Variants in NLGN1 observed in about 807,000 individuals in gnomAD.
NLGN1 encodes the protein neuroligin-1.
Under a neutral mutation model 65.5 loss-of-function variants are expected in NLGN1, and 12 were observed. The observed-to-expected ratio is 0.18, with a 90% CI of 0.12 to 0.30. NLGN1 has a LOEUF of 0.30. Among genes scored for constraint, NLGN1 ranks in the 10% least tolerant of loss-of-function variants. NLGN1 has a pLI of 1.00. For missense variants in NLGN1, 750 were observed against 1,007.1 expected, an observed-to-expected ratio of 0.74 and a Z score of 3.46; for synonymous variants, 350 against 359.5, an observed-to-expected ratio of 0.97 and a Z score of 0.30.
intron 4 of NLGN1, among the ~76,000 whole-genome samples, chr3:174,167,593 C>CT (rs201802866): frequency 0.016 from 2,207 of 140,312 alleles, 57 homozygotes; most frequent in African/African-American, 0.054. Context: ...GATCTGCCCC[C>CT]TTTTTTTTTT....
chr3:174,199,811 C>T (rs1734110789), intron 4 of NLGN1, among the ~76,000 whole-genome samples: 1 of 152,174 alleles, frequency 6.6e-6, no homozygotes, highest in African/African-American at 2.4e-5. Flanking sequence ...AACATCTCAT[C>T]TCAACCTTAT....
chr3:173,989,422 A>G (rs1298911778), intron 4 of NLGN1, among the ~76,000 whole-genome samples: 1 of 152,198 alleles, frequency 6.6e-6, no homozygotes, highest in East Asian at 1.9e-4. Context: ...GAATGTGGAA[A>G]GTCAGGGTTT....
intron 4 of NLGN1, among the ~76,000 whole-genome samples, chr3:173,964,055 G>A (rs1714243340): frequency 6.6e-6 from 1 of 152,158 alleles, no homozygotes. Flanking sequence ...TAAAAGCCAG[G>A]ATGTGCCAGA....
chr3:173,950,927 C>T (rs887133805), intron 4 of NLGN1, among the ~76,000 whole-genome samples: 9 of 151,652 alleles, frequency 5.9e-5, no homozygotes, highest in Non-Finnish European at 7.4e-5. Flanking sequence ...AGTGCAGTGG[C>T]GTGATCTTGG....
intron 4 of NLGN1, among the ~76,000 whole-genome samples, chr3:173,970,974 T>G (rs1441828746): frequency 6.6e-6 from 1 of 151,974 alleles, no homozygotes; most frequent in Non-Finnish European, 1.5e-5. Flanking sequence ...AAACAGAAAG[T>G]GGAAATCCAA....
chr3:173,439,532 C>CAAAAAAAAAAA (rs200232920), intron 2 of NLGN1, among the ~76,000 whole-genome samples: 1 of 122,894 alleles, frequency 8.1e-6, no homozygotes. Flanking sequence ...CATTCACCTG[C>CAAAAAAAAAAA]AAAAAAAAAA....
At chr3:174,217,824 T>G (rs905145702) in intron 4 of NLGN1, among the ~76,000 whole-genome samples, 2 of 151,960 alleles carry the variant, frequency 1.3e-5, no homozygotes, top group African/African-American at 4.8e-5. Flanking sequence ...AGACAATCCT[T>G]GTTCAAATAG....
At chr3:173,704,328 A>G (rs889607287) in intron 3 of NLGN1, among the ~76,000 whole-genome samples, 1 of 152,204 alleles carries the variant, frequency 6.6e-6, no homozygotes, top group Non-Finnish European at 1.5e-5. Flanking sequence ...ATGATGGTCA[A>G]AATTGGTGGC....
At chr3:174,238,828 C>T (rs1406518579) in intron 4 of NLGN1, among the ~76,000 whole-genome samples, 6 of 152,232 alleles carry the variant, frequency 3.9e-5, no homozygotes, top group African/African-American at 1.4e-4. Flanking sequence ...AAGATAAGCA[C>T]TCACTCTCAT....
chr3:174,016,100 C>T (rs1423684086), intron 4 of NLGN1, among the ~76,000 whole-genome samples: 1 of 152,090 alleles, frequency 6.6e-6, no homozygotes, highest in African/African-American at 2.4e-5. Flanking sequence ...TAATGTGACT[C>T]ACAAAAATGG....
intron 4 of NLGN1, among the ~76,000 whole-genome samples, chr3:173,954,564 C>A (rs1320050154): frequency 2.0e-5 from 3 of 152,046 alleles, no homozygotes; most frequent in African/African-American, 7.2e-5. Flanking sequence ...TCAAATGTCA[C>A]TTCTTGAGTT....
intron 2 of NLGN1, among the ~76,000 whole-genome samples, chr3:173,512,548 A>T (rs1328456109): frequency 6.6e-6 from 1 of 152,186 alleles, no homozygotes; most frequent in African/African-American, 2.4e-5. Flanking sequence ...CTGGGGTCTT[A>T]TAGGCACAGG....
At chr3:173,947,059 A>ATTTTTT (rs63224363) in intron 4 of NLGN1, among the ~76,000 whole-genome samples, 1 of 134,926 alleles carries the variant, frequency 7.4e-6, no homozygotes, top group East Asian at 2.2e-4. Flanking sequence ...AGTTGTTAGG[A>ATTTTTT]TTTTTTTTTT....
chr3:173,505,159 G>A (rs1275303130), intron 2 of NLGN1, among the ~76,000 whole-genome samples: 1 of 151,946 alleles, frequency 6.6e-6, no homozygotes, highest in African/African-American at 2.4e-5. Flanking sequence ...TCAGGAAACA[G>A]AGACTTACTC....
chr3:173,601,295 A>G (rs914724052), intron 2 of NLGN1, among the ~76,000 whole-genome samples: 1 of 152,062 alleles, frequency 6.6e-6, no homozygotes. Flanking sequence ...AACTTGCTGT[A>G]GTTTGCTGCT....
At chr3:174,122,239 C>T (rs1717931798) in intron 4 of NLGN1, among the ~76,000 whole-genome samples, 1 of 152,190 alleles carries the variant, frequency 6.6e-6, no homozygotes, top group East Asian at 1.9e-4. Context: ...ATCCGCATCT[C>T]ATTATTTTCC....
chr3:173,957,490 A>G (rs1712374373), intron 4 of NLGN1, among the ~76,000 whole-genome samples: 1 of 152,176 alleles, frequency 6.6e-6, no homozygotes, highest in Admixed American at 6.5e-5. Flanking sequence ...TTTTCCCCCA[A>G]TATCCATTCT....
intron 4 of NLGN1, among the ~76,000 whole-genome samples, chr3:174,193,869 T>G (rs531202871): frequency 2.0e-5 from 3 of 152,304 alleles, no homozygotes; most frequent in African/African-American, 7.2e-5. Context: ...CAAATTCTTC[T>G]CTGACATTTG....
chr3:173,747,801 C>CTTTTTTTTTTTTTTTT lies in NLGN1; in HGVS notation c.494-59864_494-59849dup, dbSNP rs749749824. Among the ~76,000 whole-genome samples, 91 of 64,420 alleles carry CTTTTTTTTTTTTTTTT rather than the reference C, an allele frequency of 1.4e-3. 20 individuals are homozygous for CTTTTTTTTTTTTTTTT. Among genetic ancestry groups the CTTTTTTTTTTTTTTTT allele is most frequent in the African/African-American group, 4.7e-3 (76 of 16,098 alleles). 42.3% of individuals were successfully genotyped at this position (64,420 alleles called of 152,430 possible). A position where few individuals can be genotyped will look rare whatever the true frequency, so the allele number is the denominator to read the frequency against. ...AATTTTCTTTCTTCTTCTTCTTGTT[C>CTTTTTTTTTTTTTTTT]TTTTTTTTTTTTTTTTTTTTTTTTT... is the stretch of plus-strand genomic sequence containing the variant. On this transcript the variant is annotated intron_variant, in intron 3 of 6. Coordinates refer to ENST00000457714, the Ensembl canonical transcript of NLGN1.
Sources: gnomAD v4.1 joint callset for allele counts (sites outside exome capture counted in the v4.1 genomes callset) on GRCh38, gnomAD v4.1.1 for gene constraint, MANE v1.5 for transcripts, NCBI Gene and HGNC (gene_info 2026-07-23, HGNC 2026-07-21) for gene names.